ZNF217: variants seen among roughly 807,000 people sequenced by gnomAD.
ZNF217 encodes the protein zinc finger protein 217.
ZNF217 carries 12 observed loss-of-function variants against 73.3 expected under a neutral mutation model. That is an observed-to-expected ratio of 0.16 (90% CI 0.10 to 0.27). ZNF217 has a LOEUF of 0.27. ZNF217 is among the 10% of genes least tolerant of loss of function. The probability of loss-of-function intolerance (pLI) is 1.00; values close to 1 mark genes in which losing one functional copy is unlikely to be tolerated. For missense variants in ZNF217, 1,195 were observed against 1,327.8 expected (o/e 0.90, Z 1.55); for synonymous variants, 588 against 516.4 (o/e 1.14, Z -1.88).
At chr20:53,594,535 T>C (rs1989004519), upstream of ZNF217, among the ~76,000 whole-genome samples, 1 of 151,128 alleles carries the variant, frequency 6.6e-6, no homozygotes, top group Non-Finnish European at 1.5e-5. Flanking sequence ...GCGCGCGCCG[T>C]GCCACCCTCC....
rs1482407939 is a variant in ZNF217, at chr20:53,583,168, C to T, written c.-342G>A. ...ACCTGGAGACAAGGGATTTCCAAAC[C>T]CTAGAGGAAAAAAAACAGAAACGGT... is the stretch of plus-strand genomic sequence containing the variant. On this transcript the variant is annotated splice_region_variant and 5_prime_UTR_variant, in exon 2 of 6. Coordinates refer to ENST00000371471, the MANE Select transcript of ZNF217 (RefSeq NM_006526.3). 1 of 410,608 alleles carries T rather than the reference C, an allele frequency of 2.4e-6. No individual in the cohort carries two copies. The highest frequency in any genetic ancestry group is 4.3e-6 in the Non-Finnish European group (1 of 232,818). 25.4% of individuals were successfully genotyped at this position (410,608 alleles called of 1,614,324 possible). A position where few individuals can be genotyped will look rare whatever the true frequency, so the allele number is the denominator to read the frequency against.
chr20:53,569,269 G>T lies in ZNF217; in HGVS notation c.*24-5C>A. 1 of 1,310,160 alleles carries T rather than the reference G, an allele frequency of 7.6e-7. No individual in the cohort carries two copies. Among genetic ancestry groups the T allele is most frequent in the Admixed American group, 2.6e-5 (1 of 38,742 alleles). 81.2% of individuals were successfully genotyped at this position (1,310,160 alleles called of 1,614,324 possible). On this transcript the variant is annotated splice_region_variant and splice_polypyrimidine_tract_variant and intron_variant, in intron 5 of 5. Coordinates refer to ENST00000371471, the MANE Select transcript of ZNF217 (RefSeq NM_006526.3). ...AGCACTGACATCCACCAAGACCTAA[G>T]GAAAACAACATTTTTTAAATGATTA...
Position 53,576,909 on chromosome 20 carries a change from T to G in ZNF217, c.1855A>C (p.Thr619Pro). 1.9e-6 allele frequency: 3 copies of G among 1,614,040 alleles called. No individual in the cohort carries two copies. The highest frequency in any genetic ancestry group is 2.5e-6 in the Non-Finnish European group (3 of 1,180,016). ...DSADKVNKNP[T>P]PAYLDLLKKR... The stretch of plus-strand genomic sequence containing the variant: ...TTTAACAGGTCCAGGTAAGCAGGGG[T>G]AGGGTTTTTATTCACTTTATCAGCA... Residue 619 changes from threonine to proline, a missense_variant, in exon 4 of 6, where the codon ACC becomes CCC. Transcript: ENST00000371471.
chr20:53,586,409 G>A (rs955300848), intron 1 of ZNF217, among the ~76,000 whole-genome samples: 2 of 151,610 alleles, frequency 1.3e-5, no homozygotes, highest in African/African-American at 4.9e-5. Flanking sequence ...TTTCAAGAGC[G>A]TAATAAAAAA....
intron 1 of ZNF217, among the ~76,000 whole-genome samples, chr20:53,588,419 C>T (rs1254931661): frequency 1.3e-5 from 2 of 151,972 alleles, no homozygotes; most frequent in Admixed American, 6.6e-5. Context: ...TCCGTTTCTC[C>T]TATTACTACT....
intron 1 of ZNF217, among the ~76,000 whole-genome samples, chr20:53,585,120 T>C (rs2741374): frequency 0.12 from 12,760 of 103,920 alleles, 888 homozygotes; most frequent in Non-Finnish European, 0.17. Context: ...AAAAAAAAAC[T>C]AAGTTAGTCC....
chr20:53,571,782 CAATAA>C lies in ZNF217; in HGVS notation c.3104_3108del (p.Phe1035TrpfsTer9). 1 of 1,612,956 alleles carries C rather than the reference CAATAA, an allele frequency of 6.2e-7. No homozygotes were observed. On this transcript the variant is annotated frameshift_variant, in exon 5 of 6. Transcript: ENST00000371471. LOFTEE classifies it high-confidence loss of function. Reference sequence around the variant, plus strand: ...TCATTTGGTCGATAATGTGCATTCCCAATAAAATTCTCATAGTTTCTCTTTTGTGC... The same window carrying C: ...TCATTTGGTCGATAATGTGCATTCCCAATTCTCATAGTTTCTCTTTTGTGC...
At chr20:53,593,065 G>C (rs921040753) in intron 1 of ZNF217, among the ~76,000 whole-genome samples, 2 of 151,796 alleles carry the variant, frequency 1.3e-5, no homozygotes, top group Non-Finnish European at 2.9e-5. Context: ...ACACATCCAG[G>C]AAACGCAGCC....
rs1987793002 is a variant in ZNF217, at chr20:53,567,447, T to C, written c.*1841A>G. On this transcript the variant is annotated 3_prime_UTR_variant, in exon 6 of 6. Transcript: ENST00000371471. ...AATTCCAGCATAATACAAATCGACT[T>C]GTTTTCAAATAGATTTGGTGATTCT... 1 of 152,542 alleles carries C rather than the reference T, an allele frequency of 6.6e-6. No individual in the cohort carries two copies. The highest frequency in any genetic ancestry group is 1.5e-5 in the Non-Finnish European group (1 of 68,030). 9.4% of individuals were successfully genotyped at this position (152,542 alleles called of 1,614,324 possible).
chr20:53,568,699 GACA>G lies in ZNF217; in HGVS notation c.*586_*588del, dbSNP rs1222609098. Reference sequence around the variant, plus strand: ...TCAATACTTCCATTAACAATTTTAAGACAACAATAGATTTGGGTGGATTCAACA... The same window carrying G: ...TCAATACTTCCATTAACAATTTTAAGACAATAGATTTGGGTGGATTCAACA... On this transcript the variant is annotated 3_prime_UTR_variant, in exon 6 of 6. Transcript: ENST00000371471. The G allele has an allele frequency of 6.6e-6, 1 of 151,532 alleles. No homozygotes were observed. Among genetic ancestry groups the G allele is most frequent in the Admixed American group, 6.6e-5 (1 of 15,190 alleles). 9.4% of individuals were successfully genotyped at this position (151,532 alleles called of 1,614,324 possible).
Position 53,571,807 on chromosome 20 carries a change from T to C in ZNF217, c.3084A>G (p.Gln1028=), listed in dbSNP as rs1036513087. 4 of 1,613,712 alleles carry C rather than the reference T, an allele frequency of 2.5e-6. No individual in the cohort carries two copies. The highest frequency in any genetic ancestry group is 2.2e-5 in the East Asian group (1 of 44,862). ...SYQHLSNSMA[Q]KRNYENFIGN... The stretch of plus-strand genomic sequence containing the variant: ...CAATAAAATTCTCATAGTTTCTCTT[T>C]TGTGCCATGCTGTTAGATAAGTGTT... Residue 1028 remains glutamine (Q), a synonymous_variant, in exon 5 of 6, where the codon CAA becomes CAG. Transcript: ENST00000371471.
At chr20:53,578,133 AGAAAT>A (rs1988351508) in intron 3 of ZNF217, among the ~76,000 whole-genome samples, 196 bp downstream of exon 3, 1 of 152,194 alleles carries the variant, frequency 6.6e-6, no homozygotes, top group Admixed American at 6.5e-5. Context: ...AAGAAAGAAA[AGAAAT>A]GAACTGCAAA....
chr20:53,577,069 T>C lies in ZNF217; in HGVS notation c.1695A>G (p.Lys565=), dbSNP rs1988309127. The change falls in exon 4 of 6, where the codon AAA becomes AAG. Residue 565 remains lysine (K), a synonymous_variant. Coordinates refer to ENST00000371471, the MANE Select transcript of ZNF217 (RefSeq NM_006526.3). ...TTGCAGGTGGACTGCCTGTAACATC[T>C]TTGGCACCATCAAAAAATCTTTTCA... is the stretch of plus-strand genomic sequence containing the variant. ...KNLKRFFDGA[K]DVTGSPPAKQ... The C allele has an allele frequency of 1.9e-6, 3 of 1,614,094 alleles. No individual in the cohort carries two copies. Among genetic ancestry groups the C allele is most frequent in the Non-Finnish European group, 2.5e-6 (3 of 1,180,046 alleles).
chr20:53,595,358 A>C (rs2145992803), upstream of ZNF217, among the ~76,000 whole-genome samples: 1 of 152,354 alleles, frequency 6.6e-6, no homozygotes, highest in African/African-American at 2.4e-5. Context: ...AAATGAAAAA[A>C]CTTTAAAACA....
chr20:53,583,936 A>G (rs1283852208), intron 1 of ZNF217, among the ~76,000 whole-genome samples: 1 of 152,264 alleles, frequency 6.6e-6, no homozygotes, highest in Non-Finnish European at 1.5e-5. Flanking sequence ...GGAAAGACAT[A>G]CACAAAGCTC....
At chr20:53,595,677 T>C (rs1411205219), upstream of ZNF217, among the ~76,000 whole-genome samples, 1 of 152,370 alleles carries the variant, frequency 6.6e-6, no homozygotes, top group African/African-American at 2.4e-5. Flanking sequence ...GAATTTTTTT[T>C]CACTCAAGTC....
Position 53,576,270 on chromosome 20 carries a change from C to T in ZNF217, c.2494G>A (p.Ala832Thr). The change falls in exon 4 of 6, where the codon GCC becomes ACC. Residue 832 changes from alanine to threonine, a missense_variant. Ala to Thr is a moderately conservative substitution (Grantham distance 58). Transcript: ENST00000371471. ...RPQQNVGVQG[A>T]ATRQQQSEMF... ...TCAGATTGCTGTTGCCTGGTGGCGG[C>T]CCCTTGGACCCCCACATTCTGCTGT... is the stretch of plus-strand genomic sequence containing the variant. The T allele has an allele frequency of 6.2e-7, 1 of 1,614,196 alleles. No homozygotes were observed. Among genetic ancestry groups the T allele is most frequent in the Middle Eastern group, 1.7e-4 (1 of 6,060 alleles).
intron 1 of ZNF217, 23 bp from the exon 2 acceptor site, chr20:53,583,191 GGTT>G: frequency 4.9e-6 from 2 of 409,258 alleles, no homozygotes; most frequent in South Asian, 1.0e-4. Flanking sequence ...AAACAGAAAC[GGTT>G]AGCTACACTC....
chr20:53,567,130 A>C lies in ZNF217; in HGVS notation c.*2158T>G, dbSNP rs1444656128. On this transcript the variant is annotated 3_prime_UTR_variant, in exon 6 of 6. Transcript: ENST00000371471. ...ATATAATAACATAACTTTAAGCTGA[A>C]ATATATCATAAATAAAACAAGTAAT... is the stretch of plus-strand genomic sequence containing the variant. 2.6e-5 allele frequency: 4 copies of C among 152,662 alleles called. No homozygotes were observed. Among genetic ancestry groups the C allele is most frequent in the African/African-American group, 9.6e-5 (4 of 41,466 alleles). The allele number at this position is 152,662 out of a possible 1,614,324, so 9.5% of individuals were successfully genotyped here. A position where few individuals can be genotyped will look rare whatever the true frequency, so the allele number is the denominator to read the frequency against.
Sources: gnomAD v4.1 joint callset for allele counts (sites outside exome capture counted in the v4.1 genomes callset) on GRCh38, gnomAD v4.1.1 for gene constraint, MANE v1.5 for transcripts, NCBI Gene and HGNC (gene_info 2026-07-23, HGNC 2026-07-21) for gene names.